The following MRTFA variants were observed in gnomAD, a reference collection of about 807,000 sequenced individuals.
MRTFA encodes the protein myocardin related transcription factor A.
A neutral mutation model predicts 83.5 loss-of-function variants in MRTFA; 20 were observed. The observed-to-expected ratio is 0.24, with a 90% confidence interval of 0.17 to 0.35. The LOEUF (loss-of-function observed/expected upper bound fraction) is 0.35, where lower values mean the gene tolerates loss of function less well. Among genes scored for constraint, MRTFA ranks in the 10% least tolerant of loss-of-function variants. The pLI, the probability that MRTFA is intolerant of heterozygous loss-of-function variation, is 1.00. For synonymous variants in MRTFA, 659 were observed against 541.2 expected (o/e 1.22, Z -3.02); for missense variants, 1,200 against 1,224.7 (o/e 0.98, Z 0.30).
chr22:40,624,317 T>A (rs1388886983), intron 1 of MRTFA, among the ~76,000 whole-genome samples: 1 of 148,262 alleles, frequency 6.7e-6, no homozygotes, highest in Non-Finnish European at 1.5e-5. Flanking sequence ...TCCCGGCTTC[T>A]CAGGAGGCTG....
chr22:40,518,531 C>T (rs529330358), intron 3 of MRTFA, among the ~76,000 whole-genome samples: 3 of 151,882 alleles, frequency 2.0e-5, no homozygotes, highest in South Asian at 2.1e-4. Flanking sequence ...CGGTGGCTCA[C>T]GCCTGTAATG....
At chr22:40,452,789 G>A (rs1482056347) in intron 4 of MRTFA, among the ~76,000 whole-genome samples, 1 of 134,162 alleles carries the variant, frequency 7.5e-6, no homozygotes, top group African/African-American at 2.8e-5. Context: ...CTGGGCAACA[G>A]AGCAACACTC....
intron 3 of MRTFA, among the ~76,000 whole-genome samples, chr22:40,505,341 C>T (rs10483206): frequency 0.12 from 18,301 of 152,168 alleles, 1,258 homozygotes; most frequent in East Asian, 0.24. Flanking sequence ...GACTACATGG[C>T]TTAATAGTCA....
At chr22:40,414,286 T>C (rs955271216) in intron 14 of MRTFA, among the ~76,000 whole-genome samples, 3 of 152,084 alleles carry the variant, frequency 2.0e-5, no homozygotes, top group African/African-American at 7.2e-5. Flanking sequence ...GAGGTTGCAG[T>C]GAGCCAAGAT....
chr22:40,493,451 A>C (rs2054302244), intron 3 of MRTFA, among the ~76,000 whole-genome samples: 1 of 152,258 alleles, frequency 6.6e-6, no homozygotes, highest in African/African-American at 2.4e-5. Context: ...CACAGGGCCA[A>C]CAGGGGCACT....
In MRTFA at chr22:40,416,142, C is replaced by A. The variant is rs71321194; in HGVS notation, c.2578+844G>T. The stretch of plus-strand genomic sequence containing the variant: ...CCACACGTGCCCCCTCCCCAGCTCA[C>A]CCCATCAATGGCCACTCCACCCTGG... On this transcript the variant is annotated intron_variant, in intron 14 of 14. Coordinates refer to ENST00000355630, the MANE Select transcript of MRTFA (RefSeq NM_020831.6). This position sits in a 1 kb window ranked among gnomAD's most constrained non-coding sequence, Gnocchi z 4.2. Among the ~76,000 whole-genome samples the A allele has an allele frequency of 4.9e-4, 75 of 152,354 alleles. No individual in the cohort carries two copies. The highest frequency in any genetic ancestry group is 1.8e-3 in the African/African-American group (73 of 41,580).
chr22:40,533,481 T>C (rs1353573832), intron 3 of MRTFA: 18 of 522,860 alleles, frequency 3.4e-5, no homozygotes, highest in Non-Finnish European at 4.4e-5. Context: ...TCCCCATTTC[T>C]GTCCACTCCT....
intron 4 of MRTFA, among the ~76,000 whole-genome samples, chr22:40,445,285 T>C (rs997062372): frequency 6.6e-6 from 1 of 152,202 alleles, no homozygotes; most frequent in East Asian, 1.9e-4. Context: ...TTCTCTCATA[T>C]ACCGTAATTT....
intron 2 of MRTFA, among the ~76,000 whole-genome samples, chr22:40,557,742 C>T (rs1360361993): frequency 6.6e-6 from 1 of 152,048 alleles, no homozygotes; most frequent in East Asian, 1.9e-4. Context: ...TTTTTTATCA[C>T]AATTATTTTT....
At chr22:40,525,973 T>C (rs1379796466) in intron 3 of MRTFA, among the ~76,000 whole-genome samples, 1 of 151,740 alleles carries the variant, frequency 6.6e-6, no homozygotes, top group Non-Finnish European at 1.5e-5. Context: ...AGCAAGGTTT[T>C]ACAAAATAGG....
intron 3 of MRTFA, among the ~76,000 whole-genome samples, chr22:40,532,879 G>A (rs895110381): frequency 2.0e-5 from 3 of 152,178 alleles, no homozygotes; most frequent in African/African-American, 7.2e-5. Flanking sequence ...CATTTTAGTA[G>A]AGATCTAAAA....
At chr22:40,531,262 C>CT (rs397868211) in intron 3 of MRTFA, among the ~76,000 whole-genome samples, 9,404 of 107,932 alleles carry the variant, frequency 0.087, 390 homozygotes, top group East Asian at 0.18. Context: ...TCATACCTGG[C>CT]TTTTTTTTTT....
At position 40,416,931 on chromosome 22, in the gene MRTFA, A is replaced by T; in HGVS notation, c.2578+55T>A. 1 of 1,511,262 alleles carries T rather than the reference A, an allele frequency of 6.6e-7. No homozygotes were observed. Among genetic ancestry groups the T allele is most frequent in the Non-Finnish European group, 9.0e-7 (1 of 1,109,802 alleles). The allele number at this position is 1,511,262 out of a possible 1,614,324, so 93.6% of individuals were successfully genotyped here. A position where few individuals can be genotyped will look rare whatever the true frequency, so the allele number is the denominator to read the frequency against. ...TAAAAACAAACCAACCCAGGGCTAGAGACACCTATGAACAGAGAAGGCCGT... is the reference window on the plus strand; with the variant it reads ...TAAAAACAAACCAACCCAGGGCTAGTGACACCTATGAACAGAGAAGGCCGT... On this transcript the variant is annotated intron_variant, in intron 14 of 14. Coordinates refer to ENST00000355630, the MANE Select transcript of MRTFA (RefSeq NM_020831.6). The surrounding 1 kb of genome is among the most constrained non-coding windows in gnomAD (Gnocchi z 4.2).
chr22:40,511,906 C>G (rs1485393191), intron 3 of MRTFA, among the ~76,000 whole-genome samples: 1 of 152,218 alleles, frequency 6.6e-6, no homozygotes, highest in Non-Finnish European at 1.5e-5. Flanking sequence ...TGTTATCCAG[C>G]CTTCCTTTTA....
At chr22:40,455,966 G>T (rs2053580150) in intron 4 of MRTFA, among the ~76,000 whole-genome samples, 1 of 152,054 alleles carries the variant, frequency 6.6e-6, no homozygotes, top group Non-Finnish European at 1.5e-5. Flanking sequence ...CTACAGGCAT[G>T]CACCACCACG....
At chr22:40,579,261 A>G (rs2055912205) in intron 2 of MRTFA, among the ~76,000 whole-genome samples, 2 of 152,222 alleles carry the variant, frequency 1.3e-5, no homozygotes, top group Admixed American at 1.3e-4. Flanking sequence ...TAAGATGAAT[A>G]GCCATAATAA....
chr22:40,517,200 G>A (rs975355675), intron 3 of MRTFA, among the ~76,000 whole-genome samples: 3 of 152,222 alleles, frequency 2.0e-5, no homozygotes, highest in African/African-American at 7.2e-5. Flanking sequence ...TGGGATTACA[G>A]GTGTGAGTCA....
At chr22:40,598,234 G>C (rs2056216075) in intron 1 of MRTFA, among the ~76,000 whole-genome samples, 1 of 144,484 alleles carries the variant, frequency 6.9e-6, no homozygotes, top group African/African-American at 2.6e-5. Flanking sequence ...AATGGATCTT[G>C]AAATTGATTG....
At chr22:40,432,919 C>A (rs2053098542) in intron 5 of MRTFA, among the ~76,000 whole-genome samples, 1 of 152,196 alleles carries the variant, frequency 6.6e-6, no homozygotes, top group South Asian at 2.1e-4. Flanking sequence ...AAGACTTATT[C>A]TCTAAGCCAT....
Sources: allele counts gnomAD v4.1 joint callset (sites outside exome capture counted in the v4.1 genomes callset), GRCh38; gene constraint gnomAD v4.1.1; non-coding constraint Gnocchi (gnomAD v3.1); transcripts MANE v1.5; gene names NCBI Gene and HGNC (gene_info 2026-07-23, HGNC 2026-07-21).